The following TBC1D14 variants were observed in gnomAD, a reference collection of about 807,000 sequenced individuals.
The protein encoded by TBC1D14 is TBC1 domain family member 14.
A neutral mutation model predicts 79.0 loss-of-function variants in TBC1D14; 26 were observed. The observed-to-expected ratio is 0.33, with a 90% CI of 0.24 to 0.46. TBC1D14 has a LOEUF of 0.46. Ranked by LOEUF, TBC1D14 falls within the 20% of genes least tolerant of loss-of-function variation. TBC1D14 has a pLI of 1.00. For synonymous variants in TBC1D14, 394 were observed against 349.9 expected (o/e 1.13, Z -1.40); for missense variants, 769 against 887.6 (o/e 0.87, Z 1.70).
chr4:6,964,085 C>T (rs1303534237), intron 2 of TBC1D14, among the ~76,000 whole-genome samples: 8 of 152,164 alleles, frequency 5.3e-5, no homozygotes, highest in African/African-American at 1.4e-4. Flanking sequence ...TGTGAGCCAC[C>T]GTGCCCAGCC....
In TBC1D14 at chr4:6,996,414, G is replaced by C; in HGVS notation, c.1045+7G>C. On this transcript the variant is annotated splice_region_variant and intron_variant, in intron 5 of 13. Transcript: ENST00000409757. ...GTTCAGGCCAAAAAGCGAGGTAATG[G>C]GGTTCACACTTGATGGGTTAAATCA... 1 of 1,609,426 alleles carries C rather than the reference G, an allele frequency of 6.2e-7. No individual in the cohort carries two copies. The highest frequency in any genetic ancestry group is 8.5e-7 in the Non-Finnish European group (1 of 1,175,974).
Position 7,031,707 on chromosome 4 carries a change from C to G in TBC1D14, c.*1315C>G, listed in dbSNP as rs1318751704. 1 of 152,276 alleles carries G rather than the reference C, an allele frequency of 6.6e-6. No individual in the cohort carries two copies. The highest frequency in any genetic ancestry group is 6.5e-5 in the Admixed American group (1 of 15,288). 9.4% of individuals were successfully genotyped at this position (152,276 alleles called of 1,614,324 possible). On this transcript the variant is annotated 3_prime_UTR_variant, in exon 14 of 14. Transcript: ENST00000409757. ...CTGGTCCTGGGGAGCATTCTGCGGA[C>G]CCGGTCACGGGCTTGGTTAGTCATG...
At position 6,971,641 on chromosome 4, in the gene TBC1D14, A is replaced by T. The variant is rs958005565; in HGVS notation, c.843+4217A>T. ...CCACGGGTAGGAGAATAACAGTACA[A>T]CAGTGGCTGTCCAGTTGCGGTCCCC... On this transcript the variant is annotated intron_variant, in intron 3 of 13. Transcript: ENST00000409757. 1.2e-4 allele frequency among the ~76,000 whole-genome samples: 19 copies of T among 152,342 alleles called. 1 individual carries two copies. Among genetic ancestry groups the T allele is most frequent in the Middle Eastern group, 3.4e-3 (1 of 294 alleles).
chr4:6,909,514 C>A (rs953173546), upstream of TBC1D14: 5 of 152,186 alleles, frequency 3.3e-5, no homozygotes, highest in Non-Finnish European at 5.9e-5. Flanking sequence ...AGGTAAGGGG[C>A]CCCCTGTCGG....
intron 6 of TBC1D14, among the ~76,000 whole-genome samples, chr4:7,000,777 T>A (rs1453241009): frequency 6.6e-6 from 1 of 152,212 alleles, no homozygotes; most frequent in African/African-American, 2.4e-5. Flanking sequence ...CCTCACCCAC[T>A]CCCAGCTATG....
chr4:6,976,907 T>C (rs1292243461), intron 3 of TBC1D14, among the ~76,000 whole-genome samples: 2 of 151,906 alleles, frequency 1.3e-5, no homozygotes, highest in African/African-American at 2.4e-5. Context: ...ACCATAAATA[T>C]AAAGACATTC....
chr4:6,912,473 C>A (rs1371949308), intron 1 of TBC1D14, among the ~76,000 whole-genome samples: 1 of 152,126 alleles, frequency 6.6e-6, no homozygotes, highest in Admixed American at 6.5e-5. Flanking sequence ...ATCTGGAAGG[C>A]TCTCAGGGAC....
intron 2 of TBC1D14, among the ~76,000 whole-genome samples, chr4:6,948,503 G>T (rs1713699151): frequency 6.6e-6 from 1 of 152,042 alleles, no homozygotes; most frequent in African/African-American, 2.4e-5. Context: ...ATTTGTTCAG[G>T]GTCCAATGGT....
At chr4:6,930,516 G>T (rs1382791808) in intron 2 of TBC1D14, among the ~76,000 whole-genome samples, 1 of 152,198 alleles carries the variant, frequency 6.6e-6, no homozygotes, top group Non-Finnish European at 1.5e-5. Flanking sequence ...TCTATGAGGG[G>T]GCCAGGCGCA....
At chr4:6,924,559 C>T (rs1385381906) in intron 2 of TBC1D14, among the ~76,000 whole-genome samples, 7 of 152,162 alleles carry the variant, frequency 4.6e-5, no homozygotes, top group African/African-American at 1.2e-4. Context: ...GCCGTGTCCC[C>T]GTGCCCCTGG....
rs559349134 is a variant in TBC1D14 at position 7,022,790 on chromosome 4, T to C, written c.1758-2214T>C. The stretch of plus-strand genomic sequence containing the variant: ...TTCATTACCTGTCTAGAGTAACTTA[T>C]GGAGACTCACACATAAATCTCAGCT... On this transcript the variant is annotated intron_variant, in intron 12 of 13. Transcript: ENST00000409757. Among the ~76,000 whole-genome samples, 9 of 152,080 alleles carry C rather than the reference T, an allele frequency of 5.9e-5. No individual in the cohort carries two copies. In the South Asian group the frequency reaches 6.2e-4, roughly 11 times the overall value.
chr4:6,921,887 G>T (rs923144590), intron 1 of TBC1D14, among the ~76,000 whole-genome samples: 4 of 151,824 alleles, frequency 2.6e-5, no homozygotes, highest in African/African-American at 9.7e-5. Context: ...AGTAGAGATG[G>T]GGTTTCACCA....
chr4:6,978,084 C>G (rs1270042026), intron 3 of TBC1D14, among the ~76,000 whole-genome samples: 5 of 144,264 alleles, frequency 3.5e-5, no homozygotes, highest in African/African-American at 1.3e-4. Context: ...GTCAGCCCCC[C>G]GCCTGGCCAG....
rs140968032 is a variant in TBC1D14, at chr4:7,011,242, C to T, written c.1647+461C>T. Among the ~76,000 whole-genome samples the T allele has an allele frequency of 1.5e-3, 227 of 152,028 alleles. 1 individual carries two copies. Among genetic ancestry groups the T allele is most frequent in the African/African-American group, 5.3e-3 (219 of 41,442 alleles). The stretch of plus-strand genomic sequence containing the variant: ...GAAAGGAGACACGCTGGAGACCATA[C>T]TCCTTTATTTTTTAAAAGGCAGCCA... On this transcript the variant is annotated intron_variant, in intron 11 of 13. Transcript: ENST00000409757.
chr4:7,012,991 A>G (rs1321321171), intron 11 of TBC1D14, among the ~76,000 whole-genome samples: 1 of 152,236 alleles, frequency 6.6e-6, no homozygotes, highest in Non-Finnish European at 1.5e-5. Context: ...TTTTATAAAT[A>G]AATACATGAT....
intron 13 of TBC1D14, among the ~76,000 whole-genome samples, chr4:7,026,283 C>T (rs1394246911): frequency 6.6e-6 from 1 of 152,134 alleles, no homozygotes; most frequent in Non-Finnish European, 1.5e-5. Flanking sequence ...AGCTGCCTCC[C>T]ACCTCTCCCC....
intron 13 of TBC1D14, among the ~76,000 whole-genome samples, chr4:7,027,420 T>C (rs545456201): frequency 5.0e-4 from 33 of 65,980 alleles, no homozygotes; most frequent in African/African-American, 1.7e-3. Context: ...CCCACACACC[T>C]ACACATACAC....
At chr4:6,925,791 C>A (rs13149923) in intron 2 of TBC1D14, among the ~76,000 whole-genome samples, 4 of 152,048 alleles carry the variant, frequency 2.6e-5, no homozygotes, top group African/African-American at 9.7e-5. Flanking sequence ...ATTTGTGTGG[C>A]GGAACTTCCC....
At chr4:6,946,337 T>C (rs1454402976) in intron 2 of TBC1D14, among the ~76,000 whole-genome samples, 1 of 152,118 alleles carries the variant, frequency 6.6e-6, no homozygotes, top group Non-Finnish European at 1.5e-5. Context: ...TTTACTTGTA[T>C]TATTATTATT....
Sources: allele counts gnomAD v4.1 joint callset (sites outside exome capture counted in the v4.1 genomes callset), GRCh38; gene constraint gnomAD v4.1.1; transcripts MANE v1.5; gene names NCBI Gene and HGNC (gene_info 2026-07-23, HGNC 2026-07-21).